The following AXIN2 variants were observed in gnomAD, a reference collection of about 807,000 sequenced individuals.
AXIN2 encodes the protein axin-2.
AXIN2 carries 21 observed loss-of-function variants against 74.7 expected under a neutral mutation model. The observed-to-expected ratio is 0.28, with a 90% CI of 0.20 to 0.40. AXIN2 has a LOEUF of 0.40. Among genes scored for constraint, AXIN2 ranks in the 10% least tolerant of loss-of-function variants. The probability of loss-of-function intolerance (pLI) is 1.00; values close to 1 mark genes in which losing one functional copy is unlikely to be tolerated. For synonymous variants in AXIN2, 532 were observed against 454.9 expected (o/e 1.17, Z -2.16); for missense variants, 1,144 against 1,111.1 (o/e 1.03, Z -0.42).
At position 65,537,351 on chromosome 17, in the gene AXIN2, G is replaced by A. The variant is rs149764887; in HGVS notation, c.1685C>T (p.Pro562Leu). The change falls in exon 6 of 11, where the codon CCG becomes CTG. Residue 562 changes from proline to leucine, a missense_variant. Coordinates refer to ENST00000307078, the MANE Select transcript of AXIN2 (RefSeq NM_004655.4). Reference sequence around the variant, plus strand: ...AAACTGCTCGCTGGGCATGGTTTCCGGAGCCTTGGAGTGGCTTTTGCATTT... The same window carrying A: ...AAACTGCTCGCTGGGCATGGTTTCCAGAGCCTTGGAGTGGCTTTTGCATTT... ...YSKCKSHSKA[P>L]ETMPSEQFGG... The A allele has an allele frequency of 4.7e-4, 761 of 1,614,122 alleles. No homozygotes were observed. Among genetic ancestry groups the A allele is most frequent in the Middle Eastern group, 9.9e-4 (6 of 6,038 alleles).
chr17:65,530,134 A>G lies in AXIN2; in HGVS notation c.2406-32T>C, dbSNP rs200075109. On this transcript the variant is annotated intron_variant, in intron 10 of 10. Coordinates refer to ENST00000307078, the MANE Select transcript of AXIN2 (RefSeq NM_004655.4). ...AGGAAAACCAAAAAAGCTTCTTGGTAAACTGCATTTTCCACATTGTTGAAA... is the reference window on the plus strand; with the variant it reads ...AGGAAAACCAAAAAAGCTTCTTGGTGAACTGCATTTTCCACATTGTTGAAA... 4,053 of 1,613,330 alleles carry G rather than the reference A, an allele frequency of 2.5e-3. 10 individuals carry two copies. Among genetic ancestry groups the G allele is most frequent in the Non-Finnish European group, 2.9e-3 (3,409 of 1,179,662 alleles).
In AXIN2 at chr17:65,552,659, A is replaced by T. The variant is rs77503688; in HGVS notation, c.816-2999T>A. 5.4e-3 allele frequency among the ~76,000 whole-genome samples: 819 copies of T among 152,334 alleles called. 5 individuals are homozygous for T. The highest frequency in any genetic ancestry group is 0.018 in the African/African-American group (752 of 41,556). ...TCTGCACCAAGTTCTGAGGTCCTCC[A>T]AATGAACCAACAAAGGCACAGTAAT... On this transcript the variant is annotated intron_variant, in intron 2 of 10. Transcript: ENST00000307078.
Position 65,534,868 on chromosome 17 carries a change from T to C in AXIN2, c.2237+758A>G, listed in dbSNP as rs138740251. Reference sequence around the variant, plus strand: ...CTGCCTGAACCCAGGAGGCGGAGGCTGCAGTGGGCCAAGATTAAGCCACTG... The same window carrying C: ...CTGCCTGAACCCAGGAGGCGGAGGCCGCAGTGGGCCAAGATTAAGCCACTG... On this transcript the variant is annotated intron_variant, in intron 9 of 10. Transcript: ENST00000307078. Among the ~76,000 whole-genome samples the C allele has an allele frequency of 1.5e-3, 221 of 152,094 alleles. 2 individuals are homozygous for C. Among genetic ancestry groups the C allele is most frequent in the African/African-American group, 5.1e-3 (211 of 41,506 alleles).
chr17:65,537,453 T>C lies in AXIN2; in HGVS notation c.1583A>G (p.Lys528Arg), dbSNP rs878854722. 17 of 1,613,810 alleles carry C rather than the reference T, an allele frequency of 1.1e-5. No individual in the cohort carries two copies. The highest frequency in any genetic ancestry group is 5.0e-5 in the Admixed American group (3 of 60,014). The change falls in exon 6 of 11, where the codon AAG becomes AGG. Residue 528 changes from lysine to arginine, a missense_variant. Transcript: ENST00000307078. Reference protein sequence around the residue: ...YIHHHAVPKTKEEIEAEATQR... With the variant: ...YIHHHAVPKTREEIEAEATQR... ...CGTGGCCTCCGCCTCGATCTCCTCCTTGGTCTTGGGGACGGCATGGTGGTG... is the reference window on the plus strand; with the variant it reads ...CGTGGCCTCCGCCTCGATCTCCTCCCTGGTCTTGGGGACGGCATGGTGGTG...
rs771093792 is a variant in AXIN2 at position 65,558,523 on chromosome 17, G to T, written c.98C>A (p.Thr33Asn). Residue 33 changes from threonine (T) to asparagine (N), a missense_variant, in exon 2 of 11, where the codon ACC becomes AAC. Coordinates refer to ENST00000307078, the MANE Select transcript of AXIN2 (RefSeq NM_004655.4). ...RPPVPGEEGETPPCQPGVGKG... is the reference protein window; with the variant it reads ...RPPVPGEEGENPPCQPGVGKG... ...GCCCACCCCTGGCTGACACGGTGGG[G>T]TCTCCCCTTCTTCCCCTGGCACTGG... is the stretch of plus-strand genomic sequence containing the variant. 11 of 1,613,892 alleles carry T rather than the reference G, an allele frequency of 6.8e-6. No individual in the cohort carries two copies. The highest frequency in any genetic ancestry group is 6.8e-6 in the Non-Finnish European group (8 of 1,179,982).
At chr17:65,557,673 A>T in intron 2 of AXIN2, 133 bp downstream of exon 2, 1 of 890,460 alleles carries the variant, frequency 1.1e-6, no homozygotes, top group South Asian at 1.6e-5. Flanking sequence ...CAAGATCAAA[A>T]AGGGTTCATG....
chr17:65,538,036 C>CACACGCAACCCATGCAT, intron 5 of AXIN2, 167 bp downstream of exon 5: 1 of 1,380,624 alleles, frequency 7.2e-7, no homozygotes, highest in Non-Finnish European at 1.0e-6. Context: ...AACCCATGCA[C>CACACGCAACCCATGCAT]ATGCGCACAC....
chr17:65,560,375 G>A (rs1054614026), intron 1 of AXIN2: 8 of 151,744 alleles, frequency 5.3e-5, no homozygotes, highest in African/African-American at 1.9e-4. Context: ...GAGGGGAAAA[G>A]GGGAGGGGGA....
In AXIN2 at chr17:65,561,214, CG is replaced by C. The variant is rs1280909906; in HGVS notation, c.-117+235del. ...AACTGTGCACTTCAAAGGCGCGAGCCGAGCGCACGGTCCTGAAAGGGAGGTA... is the reference window on the plus strand; with the variant it reads ...AACTGTGCACTTCAAAGGCGCGAGCCAGCGCACGGTCCTGAAAGGGAGGTA... On this transcript the variant is annotated intron_variant, in intron 1 of 10. Transcript: ENST00000307078. The C allele has an allele frequency of 4.0e-5, 6 of 149,108 alleles. 1 individual carries two copies. The South Asian group carries it at 1.2e-3, about 30-fold the overall frequency. 9.2% of individuals were successfully genotyped at this position (149,108 alleles called of 1,614,324 possible). A position where few individuals can be genotyped will look rare whatever the true frequency, so the allele number is the denominator to read the frequency against.
At chr17:65,530,328 C>T (rs201070981) in intron 10 of AXIN2, among the ~76,000 whole-genome samples, 1 of 152,208 alleles carries the variant, frequency 6.6e-6, no homozygotes, top group Admixed American at 6.5e-5. Context: ...GAGCAGCAGC[C>T]TGGGCTGGGC....
chr17:65,540,533 T>C (rs1284914660), intron 4 of AXIN2, among the ~76,000 whole-genome samples: 1 of 152,156 alleles, frequency 6.6e-6, no homozygotes, highest in African/African-American at 2.4e-5. Context: ...GGTTCAAAAA[T>C]AGGTCATCAA....
chr17:65,560,548 G>T (rs556438538), intron 1 of AXIN2: 1 of 152,260 alleles, frequency 6.6e-6, no homozygotes, highest in Admixed American at 6.6e-5. Flanking sequence ...CCCCCGGGGG[G>T]TATCTGCCCC....
At chr17:65,530,343 CA>C (rs1489815154) in intron 10 of AXIN2, among the ~76,000 whole-genome samples, 8 of 152,204 alleles carry the variant, frequency 5.3e-5, no homozygotes, top group African/African-American at 1.9e-4. Context: ...CTGGGCCTGC[CA>C]CCTGCAATCT....
Position 65,529,385 on chromosome 17 carries a change from T to C in AXIN2, c.*591A>G, listed in dbSNP as rs931336970. On this transcript the variant is annotated 3_prime_UTR_variant, in exon 11 of 11. Coordinates refer to ENST00000307078, the MANE Select transcript of AXIN2 (RefSeq NM_004655.4). Reference sequence around the variant, plus strand: ...ACGCACCAATTTCTGCATGTGTCAATGGTAGGGCACCATTTTAAAAAGTCT... The same window carrying C: ...ACGCACCAATTTCTGCATGTGTCAACGGTAGGGCACCATTTTAAAAAGTCT... 3 of 241,604 alleles carry C rather than the reference T, an allele frequency of 1.2e-5. No individual in the cohort carries two copies. The highest frequency in any genetic ancestry group is 1.0e-4 in the Admixed American group (2 of 19,660). The allele number at this position is 241,604 out of a possible 1,614,324, so 15.0% of individuals were successfully genotyped here.
At position 65,535,677 on chromosome 17, in the gene AXIN2, G is replaced by T; in HGVS notation, c.2186C>A (p.Thr729Asn). ...GAAGGGTGTGGCTCCCGTCTGAACA[G>T]TGGCCGAATGATTCCTGTCCCTCTG... ...SQQRDRNHSA[T>N]VQTGATPFSN... is the part of the protein sequence containing the mutation. Residue 729 changes from threonine to asparagine, a missense_variant, in exon 9 of 11, where the codon ACT becomes AAT. By Grantham distance (65) the Thr-to-Asn change is moderately conservative. Transcript: ENST00000307078. The T allele has an allele frequency of 6.2e-7, 1 of 1,614,216 alleles. No individual in the cohort carries two copies. The highest frequency in any genetic ancestry group is 1.7e-5 in the Admixed American group (1 of 60,028).
intron 5 of AXIN2, 161 bp downstream of exon 5, chr17:65,538,042 C>T: frequency 7.1e-7 from 1 of 1,408,048 alleles, no homozygotes; most frequent in Non-Finnish European, 9.7e-7. Context: ...TGCACATGCG[C>T]ACACAGCCCA....
intron 10 of AXIN2, among the ~76,000 whole-genome samples, chr17:65,533,407 C>T (rs147884755): frequency 3.2e-4 from 49 of 152,294 alleles, no homozygotes; most frequent in African/African-American, 8.2e-4. Context: ...AAGAAAAACA[C>T]GGGGGACTTT....
intron 9 of AXIN2, 152 bp from the exon 10 acceptor site, chr17:65,534,231 CCA>C: frequency 2.1e-6 from 2 of 956,404 alleles, no homozygotes; most frequent in Non-Finnish European, 1.6e-6. Context: ...GGGCAGAGCC[CCA>C]CATCCCAGAG....
At chr17:65,561,220 C>CCTTTCAGCCAGG (rs1334810370) in intron 1 of AXIN2, 3 of 149,032 alleles carry the variant, frequency 2.0e-5, no homozygotes, top group Non-Finnish European at 4.5e-5. Flanking sequence ...GAGCCGAGCG[C>CCTTTCAGCCAGG]ACGGTCCTGA....
Sources: allele counts gnomAD v4.1 joint callset (sites outside exome capture counted in the v4.1 genomes callset), GRCh38; gene constraint gnomAD v4.1.1; transcripts MANE v1.5; gene names NCBI Gene and HGNC (gene_info 2026-07-23, HGNC 2026-07-21).